Variants in LIN28A observed in about 807,000 individuals in gnomAD.
LIN28A encodes protein lin-28 homolog A.
Under a neutral mutation model 21.1 loss-of-function variants are expected in LIN28A, and 11 were observed. The observed-to-expected ratio is 0.52, with a 90% confidence interval of 0.33 to 0.86. The LOEUF (loss-of-function observed/expected upper bound fraction) is 0.86. LIN28A is among the 40% of genes least tolerant of loss of function. The pLI, the probability that LIN28A is intolerant of heterozygous loss-of-function variation, is 0.03. For synonymous variants in LIN28A, 111 were observed against 108.7 expected (o/e 1.02, Z -0.13); for missense variants, 219 against 279.8 (o/e 0.78, Z 1.55).
intron 2 of LIN28A, among the ~76,000 whole-genome samples, chr1:26,416,288 C>T (rs933164155): frequency 8.5e-5 from 13 of 152,124 alleles, no homozygotes; most frequent in South Asian, 2.1e-4. Context: ...CCATGATGCC[C>T]GGCGACAGTG....
At position 26,423,933 on chromosome 1, in the gene LIN28A, T is replaced by C. The variant is rs1037476568; in HGVS notation, c.229-1370T>C. Among the ~76,000 whole-genome samples, 6 of 152,068 alleles carry C rather than the reference T, an allele frequency of 3.9e-5. No homozygotes were observed. The South Asian group carries it at 1.2e-3, about 32-fold the overall frequency. On this transcript the variant is annotated intron_variant, in intron 2 of 3. Coordinates refer to ENST00000326279, the MANE Select transcript of LIN28A (RefSeq NM_024674.6). The stretch of plus-strand genomic sequence containing the variant: ...ACCCGCCACCACGCCTGGCTAATTT[T>C]TTGTATTTTTAGTAGAGACGGGGTT...
rs1266939662 is a variant in LIN28A at position 26,425,329 on chromosome 1, G to A, written c.255G>A (p.Arg85=). ...HQSKLHMEGF[R]SLKEGEAVEF... ...GTAAGCTGCACATGGAAGGGTTCCGGAGCTTGAAGGAGGGTGAGGCAGTGG... is the reference window on the plus strand; with the variant it reads ...GTAAGCTGCACATGGAAGGGTTCCGAAGCTTGAAGGAGGGTGAGGCAGTGG... The change falls in exon 3 of 4, where the codon CGG becomes CGA. Residue 85 remains arginine, a synonymous_variant. Transcript: ENST00000326279. The A allele has an allele frequency of 1.2e-6, 2 of 1,613,644 alleles. No homozygotes were observed. Among genetic ancestry groups the A allele is most frequent in the African/African-American group, 2.7e-5 (2 of 74,886 alleles).
At position 26,426,464 on chromosome 1, in the gene LIN28A, A is replaced by G. The variant is rs1319136686; in HGVS notation, c.*6A>G. The G allele has an allele frequency of 1.9e-6, 3 of 1,609,224 alleles. No homozygotes were observed. The highest frequency in any genetic ancestry group is 1.7e-6 in the Non-Finnish European group (2 of 1,175,540). On this transcript the variant is annotated 3_prime_UTR_variant, in exon 4 of 4. Coordinates refer to ENST00000326279, the MANE Select transcript of LIN28A (RefSeq NM_024674.6). The stretch of plus-strand genomic sequence containing the variant: ...TCCCGGAGGCACAGAATTGAGCCAC[A>G]ATGGGTGGGGGCTATTCTTTTGCTA...
intron 3 of LIN28A, 58 bp downstream of exon 3, chr1:26,425,545 C>T (rs2124305588): frequency 6.6e-7 from 1 of 1,515,134 alleles, no homozygotes; most frequent in Non-Finnish European, 9.1e-7. Context: ...TCTCCCAATC[C>T]TGTCACTTTT....
rs1436231478 is a variant in LIN28A, at chr1:26,428,405, C to T, written c.*1947C>T. The T allele has an allele frequency of 1.3e-5, 2 of 152,170 alleles. No individual in the cohort carries two copies. The highest frequency in any genetic ancestry group is 2.4e-5 in the African/African-American group (1 of 41,426). 9.4% of individuals were successfully genotyped at this position (152,170 alleles called of 1,614,324 possible). On this transcript the variant is annotated 3_prime_UTR_variant, in exon 4 of 4. Coordinates refer to ENST00000326279, the MANE Select transcript of LIN28A (RefSeq NM_024674.6). ...GTTCACCCCCAAAAGAAAACTTACA[C>T]ACCCACACACATACACATTTCATGC... is the stretch of plus-strand genomic sequence containing the variant.
At chr1:26,416,877 C>G (rs2074996728) in intron 2 of LIN28A, among the ~76,000 whole-genome samples, 1 of 152,134 alleles carries the variant, frequency 6.6e-6, no homozygotes, top group Non-Finnish European at 1.5e-5. Flanking sequence ...GCCTCGGCCT[C>G]CCAAAGTGCT....
chr1:26,414,899 G>A (rs892259153), intron 2 of LIN28A, among the ~76,000 whole-genome samples: 1 of 152,076 alleles, frequency 6.6e-6, no homozygotes, highest in Non-Finnish European at 1.5e-5. Flanking sequence ...AGTTATATAG[G>A]AAAGCTGGAA....
At chr1:26,426,165 A>G in intron 3 of LIN28A, 77 bp from the exon 4 acceptor site, 1 of 1,176,100 alleles carries the variant, frequency 8.5e-7, no homozygotes, top group Non-Finnish European at 1.3e-6. Flanking sequence ...ACCAGAGCCC[A>G]GGTGTCCTCA....
At chr1:26,426,016 T>G (rs1275584545) in intron 3 of LIN28A, among the ~76,000 whole-genome samples, 1 of 152,210 alleles carries the variant, frequency 6.6e-6, no homozygotes, top group African/African-American at 2.4e-5. Context: ...GGTATCTTGG[T>G]ATTTTCAAGT....
intron 2 of LIN28A, among the ~76,000 whole-genome samples, chr1:26,424,062 T>TC (rs2124302698): frequency 6.7e-6 from 1 of 148,870 alleles, no homozygotes; most frequent in East Asian, 2.0e-4. Flanking sequence ...CACCCGGCCT[T>TC]TTTTTTTTTC....
chr1:26,423,563 C>A (rs1260817705), intron 2 of LIN28A, among the ~76,000 whole-genome samples: 1 of 151,692 alleles, frequency 6.6e-6, no homozygotes, highest in Non-Finnish European at 1.5e-5. Context: ...ATGCCCACCA[C>A]CACGCCTGGC....
chr1:26,426,210 T>TCTCTTA, intron 3 of LIN28A, 32 bp from the exon 4 acceptor site: 1 of 1,586,032 alleles, frequency 6.3e-7, no homozygotes, highest in Non-Finnish European at 8.7e-7. Context: ...CTTGCTCCTT[T>TCTCTTA]CTCTTACTTT....
rs1390507881 is a variant in LIN28A, at chr1:26,426,688, G to A, written c.*230G>A. The A allele has an allele frequency of 1.9e-6, 1 of 516,150 alleles. No homozygotes were observed. Among genetic ancestry groups the A allele is most frequent in the South Asian group, 2.1e-5 (1 of 46,786 alleles). The allele number at this position is 516,150 out of a possible 1,614,324, so 32.0% of individuals were successfully genotyped here. A position where few individuals can be genotyped will look rare whatever the true frequency, so the allele number is the denominator to read the frequency against. ...GTGAGGGTTCTGGGGGCAACCAGGA[G>A]GGGGGAATCACCCTACAACCTGCAT... On this transcript the variant is annotated 3_prime_UTR_variant, in exon 4 of 4. Transcript: ENST00000326279.
chr1:26,414,054 C>A (rs1454360441), intron 2 of LIN28A, among the ~76,000 whole-genome samples: 2 of 152,026 alleles, frequency 1.3e-5, no homozygotes, highest in Non-Finnish European at 2.9e-5. Flanking sequence ...GTCTTGAACT[C>A]CTGACCTCAG....
chr1:26,414,310 T>C (rs1208560138), intron 2 of LIN28A, among the ~76,000 whole-genome samples: 1 of 151,278 alleles, frequency 6.6e-6, no homozygotes, highest in Non-Finnish European at 1.5e-5. Flanking sequence ...GGTGGGCTGG[T>C]GAGAAGGTAA....
chr1:26,418,468 C>T (rs936273888), intron 2 of LIN28A, among the ~76,000 whole-genome samples: 5 of 151,942 alleles, frequency 3.3e-5, no homozygotes, highest in African/African-American at 1.2e-4. Flanking sequence ...ATGGCGTGAA[C>T]CCGGGAGGCG....
chr1:26,411,306 C>T lies in LIN28A; in HGVS notation c.32-80C>T. The T allele has an allele frequency of 1.5e-6, 2 of 1,348,098 alleles. No homozygotes were observed. Among genetic ancestry groups the T allele is most frequent in the East Asian group, 2.6e-5 (1 of 38,984 alleles). 83.5% of individuals were successfully genotyped at this position (1,348,098 alleles called of 1,614,324 possible). On this transcript the variant is annotated intron_variant, in intron 1 of 3. Transcript: ENST00000326279. This position sits in a 1 kb window ranked among gnomAD's most constrained non-coding sequence, Gnocchi z 5.4. ...CTGTCCACTTGTGGGGCTGGATACTCGGGTCTCCCTGCCTGGGGCCCGAGA... is the reference window on the plus strand; with the variant it reads ...CTGTCCACTTGTGGGGCTGGATACTTGGGTCTCCCTGCCTGGGGCCCGAGA...
In LIN28A at chr1:26,426,981, G is replaced by A. The variant is rs893329139; in HGVS notation, c.*523G>A. 4.9e-5 allele frequency: 8 copies of A among 162,008 alleles called. No homozygotes were observed. The highest frequency in any genetic ancestry group is 4.7e-4 in the Admixed American group (8 of 17,110). 10.0% of individuals were successfully genotyped at this position (162,008 alleles called of 1,614,324 possible). ...GTCCCAAGCAATGGGTAATGATGAT[G>A]GCAAAAAGGGTGTTTGGGGGAACAG... On this transcript the variant is annotated 3_prime_UTR_variant, in exon 4 of 4. Coordinates refer to ENST00000326279, the MANE Select transcript of LIN28A (RefSeq NM_024674.6).
Position 26,411,354 on chromosome 1 carries a change from C to G in LIN28A, c.32-32C>G, listed in dbSNP as rs759621548. The G allele has an allele frequency of 1.3e-6, 2 of 1,523,304 alleles. No homozygotes were observed. Among genetic ancestry groups the G allele is most frequent in the South Asian group, 1.2e-5 (1 of 80,262 alleles). The allele number at this position is 1,523,304 out of a possible 1,614,324, so 94.4% of individuals were successfully genotyped here. ...AGACGGCCCTCCGATTCCGTGCCCCCCAGCTAAGTGCCCGGCCCTCCCTCT... is the reference window on the plus strand; with the variant it reads ...AGACGGCCCTCCGATTCCGTGCCCCGCAGCTAAGTGCCCGGCCCTCCCTCT... On this transcript the variant is annotated intron_variant, in intron 1 of 3. Transcript: ENST00000326279. The surrounding 1 kb of genome is among the most constrained non-coding windows in gnomAD (Gnocchi z 5.4).
Sources: gnomAD v4.1 joint callset for allele counts (sites outside exome capture counted in the v4.1 genomes callset) on GRCh38, gnomAD v4.1.1 for gene constraint, Gnocchi (gnomAD v3.1) non-coding constraint, MANE v1.5 for transcripts, NCBI Gene and HGNC (gene_info 2026-07-23, HGNC 2026-07-21) for gene names.